NSMAF: variants seen among roughly 807,000 people sequenced by gnomAD.
NSMAF encodes the protein protein FAN.
Under a neutral mutation model 134.9 loss-of-function variants are expected in NSMAF, and 90 were observed. The ratio of observed to expected loss-of-function variants is 0.67; its 90% CI spans 0.56 to 0.79. NSMAF has a LOEUF of 0.79. Among genes scored for constraint, NSMAF ranks in the 30% least tolerant of loss-of-function variants. NSMAF has a pLI of 0.00. For synonymous variants in NSMAF, 358 were observed against 389.6 expected, an observed-to-expected ratio of 0.92 and a Z score of 0.96; for missense variants, 1,010 against 1,119.0, an observed-to-expected ratio of 0.90 and a Z score of 1.39.
intron 22 of NSMAF, among the ~76,000 whole-genome samples, chr8:58,595,141 A>G (rs1407579007): frequency 6.6e-6 from 1 of 152,226 alleles, no homozygotes; most frequent in Non-Finnish European, 1.5e-5. Context: ...GAACTTTGCA[A>G]TGTTCTCTGG....
At chr8:58,627,397 T>C (rs1029929515) in intron 6 of NSMAF, among the ~76,000 whole-genome samples, 3 of 152,104 alleles carry the variant, frequency 2.0e-5, no homozygotes, top group Non-Finnish European at 4.4e-5. Context: ...GGCATCCAAA[T>C]TGGAAAAAAG....
Position 58,639,629 on chromosome 8 carries a change from G to T in NSMAF, c.149+3355C>A, listed in dbSNP as rs1775855226. 2.0e-5 allele frequency among the ~76,000 whole-genome samples: 3 copies of T among 152,214 alleles called. No homozygotes were observed. In the South Asian group the frequency reaches 6.2e-4, roughly 31 times the overall value. ...TATACATCCAAAGCAAATGGAGCCA[G>T]TATGTTGAAGATGTATCTGTACTCC... On this transcript the variant is annotated intron_variant, in intron 2 of 30. Coordinates refer to ENST00000038176, the MANE Select transcript of NSMAF (RefSeq NM_003580.4).
intron 21 of NSMAF, among the ~76,000 whole-genome samples, chr8:58,596,418 G>A (rs919447162): frequency 1.3e-5 from 2 of 152,178 alleles, no homozygotes; most frequent in African/African-American, 4.8e-5. Context: ...CCTTCTGGAA[G>A]CCTGTAGGTT....
intron 1 of NSMAF, chr8:58,659,364 C>T: frequency 6.6e-7 from 1 of 1,525,104 alleles, no homozygotes; most frequent in East Asian, 2.6e-5. Flanking sequence ...CTGTCCCCGG[C>T]AGGCTCCGGC....
rs1365193322 is a variant in NSMAF at position 58,643,059 on chromosome 8, A to G, written c.74T>C (p.Leu25Pro). ...AAAGTAGTACTCCTCCAAGTTAAGCAGCAGCAAGGAAAATCTGGATTTGGG... is the reference window on the plus strand; with the variant it reads ...AAAGTAGTACTCCTCCAAGTTAAGCGGCAGCAAGGAAAATCTGGATTTGGG... Reference protein sequence around the residue: ...LYSKERFSLLLLNLEEYYFEQ... With the variant: ...LYSKERFSLLPLNLEEYYFEQ... The change falls in exon 2 of 31, where the codon CTG becomes CCG. Residue 25 changes from leucine (L) to proline (P), a missense_variant. Transcript: ENST00000038176. 6.2e-7 allele frequency: 1 copy of G among 1,614,084 alleles called. No homozygotes were observed. The highest frequency in any genetic ancestry group is 2.2e-5 in the East Asian group (1 of 44,868).
chr8:58,633,081 C>A (rs1807092881), intron 5 of NSMAF, among the ~76,000 whole-genome samples: 1 of 152,178 alleles, frequency 6.6e-6, no homozygotes, highest in Non-Finnish European at 1.5e-5. Context: ...TCTACCCAGC[C>A]CCCAGAGAGA....
chr8:58,598,182 A>T (rs2129140536), intron 19 of NSMAF, among the ~76,000 whole-genome samples: 1 of 152,306 alleles, frequency 6.6e-6, no homozygotes, highest in East Asian at 1.9e-4. Context: ...CGGAATTTCC[A>T]TGTAAAAAAT....
In NSMAF at chr8:58,615,260, T is replaced by C. The variant is rs371469970; in HGVS notation, c.558-5527A>G. On this transcript the variant is annotated intron_variant, in intron 9 of 30. Coordinates refer to ENST00000038176, the MANE Select transcript of NSMAF (RefSeq NM_003580.4). ...CACTGACAATTTTAACATCCTTCTC[T>C]CAGTGACTGATAGCACAAGTCAACA... 2.3e-4 allele frequency among the ~76,000 whole-genome samples: 35 copies of C among 152,344 alleles called. No individual in the cohort carries two copies. In the East Asian group the frequency reaches 6.0e-3, roughly 26 times the overall value.
At chr8:58,623,078 T>G in intron 9 of NSMAF, 142 bp downstream of exon 9, 1 of 665,870 alleles carries the variant, frequency 1.5e-6, no homozygotes, top group Admixed American at 2.6e-5. Context: ...AGAGTTCTCC[T>G]GCACTGAGGC....
At chr8:58,597,771 T>C in intron 20 of NSMAF, 89 bp downstream of exon 20, 2 of 1,043,066 alleles carry the variant, frequency 1.9e-6, no homozygotes, top group South Asian at 1.4e-5. Flanking sequence ...AAAATTTCCA[T>C]ACCTCAACCT....
chr8:58,616,801 A>G (rs946686475), intron 9 of NSMAF, among the ~76,000 whole-genome samples: 73 of 152,232 alleles, frequency 4.8e-4, no homozygotes, highest in African/African-American at 1.7e-3. Context: ...TTATTCACAG[A>G]TTAAATGATT....
intron 19 of NSMAF, among the ~76,000 whole-genome samples, chr8:58,599,013 A>C (rs988135839): frequency 2.0e-5 from 3 of 152,224 alleles, no homozygotes; most frequent in African/African-American, 7.2e-5. Context: ...TGACAGAGCA[A>C]GACTCCATCT....
At chr8:58,619,128 T>A (rs1371619138) in intron 9 of NSMAF, among the ~76,000 whole-genome samples, 1 of 152,146 alleles carries the variant, frequency 6.6e-6, no homozygotes, top group South Asian at 2.1e-4. Context: ...TATTCTTCCC[T>A]AAGCAATTCA....
intron 10 of NSMAF, among the ~76,000 whole-genome samples, chr8:58,609,368 T>G (rs1184660653): frequency 6.6e-6 from 1 of 152,188 alleles, no homozygotes; most frequent in Non-Finnish European, 1.5e-5. Flanking sequence ...TTCACCACAC[T>G]GAGAGCAAGT....
rs1806122050 is a variant in NSMAF at position 58,595,646 on chromosome 8, A to C, written c.1806T>G (p.Phe602Leu). 5 of 1,613,126 alleles carry C rather than the reference A, an allele frequency of 3.1e-6. No individual in the cohort carries two copies. Among genetic ancestry groups the C allele is most frequent in the Non-Finnish European group, 4.2e-6 (5 of 1,179,288 alleles). Residue 602 changes from phenylalanine (F) to leucine (L), a missense_variant, in exon 22 of 31, where the codon TTT (phenylalanine) becomes TTG (leucine). Coordinates refer to ENST00000038176, the MANE Select transcript of NSMAF (RefSeq NM_003580.4). ...TTTTGCTTTCTTCGGTCAGGTCTTC[A>C]AAAGACTCTTCACCTGGAGAGACGA... ...SMADSPGEES[F>L]EDLTEESKTL... is the part of the protein sequence containing the mutation.
chr8:58,625,859 C>G (rs190295854), intron 6 of NSMAF, among the ~76,000 whole-genome samples: 150 of 152,204 alleles, frequency 9.9e-4, no homozygotes, highest in Middle Eastern at 6.8e-3. Context: ...TGTCCTCTAT[C>G]TTCCTTTGTG....
intron 1 of NSMAF, 123 bp downstream of exon 1, chr8:58,659,450 T>C: frequency 6.7e-7 from 1 of 1,484,206 alleles, no homozygotes; most frequent in Non-Finnish European, 8.9e-7. Flanking sequence ...TGGACACGCG[T>C]CCGGCCCCTG....
intron 30 of NSMAF, 42 bp from the exon 31 acceptor site, chr8:58,584,242 A>G: frequency 7.0e-7 from 1 of 1,422,806 alleles, no homozygotes; most frequent in East Asian, 2.3e-5. Flanking sequence ...GTTGACCAGG[A>G]GGCACCCAAA....
intron 2 of NSMAF, among the ~76,000 whole-genome samples, chr8:58,638,483 C>T (rs1337393129): frequency 6.6e-6 from 1 of 152,062 alleles, no homozygotes; most frequent in Non-Finnish European, 1.5e-5. Flanking sequence ...CACATATATG[C>T]AGTCAACTAA....
Sources: gnomAD v4.1 joint callset for allele counts (sites outside exome capture counted in the v4.1 genomes callset) on GRCh38, gnomAD v4.1.1 for gene constraint, MANE v1.5 for transcripts, NCBI Gene and HGNC (gene_info 2026-07-23, HGNC 2026-07-21) for gene names.